LRRC28: variants seen among roughly 807,000 people sequenced by gnomAD.
LRRC28 encodes the protein leucine rich repeat containing 28.
LRRC28 carries 39 observed loss-of-function variants against 45.7 expected under a neutral mutation model. That is an observed-to-expected ratio of 0.85 (90% CI 0.66 to 1.12). LRRC28 has a LOEUF of 1.12. Ranked by LOEUF, LRRC28 falls within the 50% of genes most tolerant of loss-of-function variation. The pLI, the probability that LRRC28 is intolerant of heterozygous loss-of-function variation, is 0.00. For synonymous variants in LRRC28, 206 were observed against 178.8 expected (o/e 1.15, Z -1.22); for missense variants, 435 against 438.5 (o/e 0.99, Z 0.07).
chr15:99,374,622 T>A (rs1001386790), intron 9 of LRRC28, among the ~76,000 whole-genome samples: 1 of 152,230 alleles, frequency 6.6e-6, no homozygotes, highest in Non-Finnish European at 1.5e-5. Flanking sequence ...TGGTTAGGAC[T>A]TTGAGTACTA....
At chr15:99,282,020 GTCC>G (rs1266625468) in intron 3 of LRRC28, among the ~76,000 whole-genome samples, 2 of 151,840 alleles carry the variant, frequency 1.3e-5, no homozygotes, top group African/African-American at 4.8e-5. Context: ...TTGAATTCTT[GTCC>G]TCAAGTGATC....
chr15:99,348,791 A>T (rs1489389159), intron 6 of LRRC28, among the ~76,000 whole-genome samples: 2 of 149,032 alleles, frequency 1.3e-5, no homozygotes, highest in African/African-American at 2.5e-5. Context: ...ATTTTAGAAA[A>T]TTTTTTTCTA....
chr15:99,345,586 G>A (rs1597391578), intron 6 of LRRC28, among the ~76,000 whole-genome samples: 1 of 152,078 alleles, frequency 6.6e-6, no homozygotes, highest in East Asian at 1.9e-4. Context: ...ATTTAAAATA[G>A]GAAATCTTAG....
At chr15:99,384,011 G>T (rs1021449573) in intron 9 of LRRC28, among the ~76,000 whole-genome samples, 1 of 152,182 alleles carries the variant, frequency 6.6e-6, no homozygotes, top group African/African-American at 2.4e-5. Context: ...CTTAGAATCC[G>T]TTTCCATGCG....
rs951274398 is a variant in LRRC28 at position 99,255,917 on chromosome 15, A to T, written c.-41A>T. 2 of 1,544,124 alleles carry T rather than the reference A, an allele frequency of 1.3e-6. No homozygotes were observed. Among genetic ancestry groups the T allele is most frequent in the Admixed American group, 2.1e-5 (1 of 46,760 alleles). On this transcript the variant is annotated 5_prime_UTR_variant, in exon 2 of 10. It adds an upstream start codon to the 5' untranslated region. Transcript: ENST00000301981. ...TTATAGAAATGGACCAATTTTGACA[A>T]GATATAGTGCTGCAGCGTGCCTGAT...
intron 9 of LRRC28, among the ~76,000 whole-genome samples, chr15:99,364,940 C>T (rs1417622808): frequency 6.6e-6 from 1 of 152,100 alleles, no homozygotes; most frequent in African/African-American, 2.4e-5. Context: ...TTAACTAATT[C>T]ATTAAACTAC....
Position 99,389,066 on chromosome 15 carries a change from A to G in LRRC28, c.*2964A>G, listed in dbSNP as rs993111561. 6.6e-6 allele frequency: 1 copy of G among 152,222 alleles called. No individual in the cohort carries two copies. 9.4% of individuals were successfully genotyped at this position (152,222 alleles called of 1,614,324 possible). On this transcript the variant is annotated 3_prime_UTR_variant, in exon 10 of 10. Transcript: ENST00000301981. ...CATAATAATTAAATGATCCCTATTC[A>G]AAAGAACCCTGGCTTGGGTGGAGGA... is the stretch of plus-strand genomic sequence containing the variant.
chr15:99,346,158 GTTCA>G (rs372234952), intron 6 of LRRC28, among the ~76,000 whole-genome samples: 2,742 of 151,782 alleles, frequency 0.018, 73 homozygotes, highest in African/African-American at 0.061. Flanking sequence ...ATAGTCATTT[GTTCA>G]TTCATTCATT....
In LRRC28 at chr15:99,372,036, T is replaced by G. The variant is rs938753765; in HGVS notation, c.1031+8771T>G. Among the ~76,000 whole-genome samples, 5 of 152,222 alleles carry G rather than the reference T, an allele frequency of 3.3e-5. No individual in the cohort carries two copies. The South Asian group carries it at 1.0e-3, about 32-fold the overall frequency. On this transcript the variant is annotated intron_variant, in intron 9 of 9. Coordinates refer to ENST00000301981, the MANE Select transcript of LRRC28 (RefSeq NM_144598.5). ...TGCAACAAGCAGATACAATATGTTA[T>G]TAGATGATTCTTGAGTAAGTTAATA...
chr15:99,306,561 A>T (rs1955188754), intron 5 of LRRC28, among the ~76,000 whole-genome samples: 1 of 152,204 alleles, frequency 6.6e-6, no homozygotes, highest in Non-Finnish European at 1.5e-5. Flanking sequence ...AATGTATGAA[A>T]ATTATTGTTA....
chr15:99,259,375 G>A lies in LRRC28; in HGVS notation c.168+3250G>A, dbSNP rs1184162297. 13 of 1,554,276 alleles carry A rather than the reference G, an allele frequency of 8.4e-6. No homozygotes were observed. The East Asian group carries it at 2.9e-4, about 35-fold the overall frequency. ...CCCTTCCCGAATTTGATGGGAAGAGGTTCCAGAATGTTGCCAAGGAAGGAG... is the reference window on the plus strand; with the variant it reads ...CCCTTCCCGAATTTGATGGGAAGAGATTCCAGAATGTTGCCAAGGAAGGAG... On this transcript the variant is annotated intron_variant, in intron 2 of 9. Transcript: ENST00000301981.
chr15:99,321,754 C>T (rs1413905680), intron 5 of LRRC28, among the ~76,000 whole-genome samples: 2 of 152,150 alleles, frequency 1.3e-5, no homozygotes, highest in Admixed American at 1.3e-4. Flanking sequence ...ATTTACTGTG[C>T]ACCTACCATG....
chr15:99,289,769 T>TA (rs1168536315), intron 5 of LRRC28, among the ~76,000 whole-genome samples: 3 of 146,796 alleles, frequency 2.0e-5, no homozygotes, highest in Non-Finnish European at 3.0e-5. Context: ...CCGTCTCTAC[T>TA]AAAAATACAA....
At chr15:99,309,257 T>G (rs1214249300) in intron 5 of LRRC28, among the ~76,000 whole-genome samples, 1 of 152,166 alleles carries the variant, frequency 6.6e-6, no homozygotes, top group Admixed American at 6.5e-5. Flanking sequence ...TTAAGAAAAT[T>G]TGTGGAACCA....
chr15:99,362,102 T>A (rs933617481), intron 8 of LRRC28, among the ~76,000 whole-genome samples: 1 of 152,226 alleles, frequency 6.6e-6, no homozygotes, highest in Non-Finnish European at 1.5e-5. Flanking sequence ...TGTGGGTGTA[T>A]GTCTGAAATG....
At chr15:99,306,928 G>T (rs1250139579) in intron 5 of LRRC28, among the ~76,000 whole-genome samples, 2 of 152,172 alleles carry the variant, frequency 1.3e-5, no homozygotes, top group Admixed American at 1.3e-4. Flanking sequence ...GTCCTTTTCG[G>T]GTCCATTGCC....
chr15:99,344,969 C>T (rs1956632632), intron 6 of LRRC28, among the ~76,000 whole-genome samples: 1 of 152,146 alleles, frequency 6.6e-6, no homozygotes, highest in Admixed American at 6.5e-5. Context: ...TCTTAACTGG[C>T]CTTCTTCTAC....
intron 2 of LRRC28, among the ~76,000 whole-genome samples, chr15:99,272,182 A>G (rs2081499987): frequency 6.6e-6 from 1 of 152,216 alleles, no homozygotes; most frequent in Admixed American, 6.5e-5. Flanking sequence ...GCCAGGATGG[A>G]GCAGGTTTTG....
At chr15:99,353,479 C>G (rs1429401055) in intron 7 of LRRC28, among the ~76,000 whole-genome samples, 1 of 152,192 alleles carries the variant, frequency 6.6e-6, no homozygotes, top group African/African-American at 2.4e-5. Flanking sequence ...AGTGCCTATA[C>G]AGGCTGATGA....
Sources: allele counts gnomAD v4.1 joint callset (sites outside exome capture counted in the v4.1 genomes callset), GRCh38; gene constraint gnomAD v4.1.1; transcripts MANE v1.5; gene names NCBI Gene and HGNC (gene_info 2026-07-23, HGNC 2026-07-21).